REL: variants seen among roughly 807,000 people sequenced by gnomAD.
REL encodes proto-oncogene c-Rel.
A neutral mutation model predicts 45.9 loss-of-function variants in REL; 15 were observed. The observed-to-expected ratio is 0.33, with a 90% CI of 0.22 to 0.50. The LOEUF (loss-of-function observed/expected upper bound fraction) is 0.50, where lower values mean the gene tolerates loss of function less well. REL is among the 20% of genes least tolerant of loss of function. The pLI is 0.98. For synonymous variants in REL, 239 were observed against 242.1 expected (o/e 0.99, Z 0.12); for missense variants, 601 against 715.2 (o/e 0.84, Z 1.82).
At chr2:60,891,603 T>A in intron 1 of REL, 80 bp from the exon 2 acceptor site, 1 of 1,240,294 alleles carries the variant, frequency 8.1e-7, no homozygotes, top group Non-Finnish European at 1.1e-6. Context: ...TCTGCTGTTA[T>A]AAAAAAAACA....
Position 60,920,632 on chromosome 2 carries a change from C to G in REL, c.981C>G (p.Tyr327Ter). 6.3e-7 allele frequency: 1 copy of G among 1,593,320 alleles called. No homozygotes were observed. Among genetic ancestry groups the G allele is most frequent in the Non-Finnish European group, 8.6e-7 (1 of 1,163,686 alleles). ...TCGGTTCAATTGGAGAAGGAAGATA[C>G]TTCAAAAAAGGTATTTTATTTCCTA... Reference protein sequence around the residue: ...GLLGSIGEGRYFKKEPNLFSH... With the variant: ...GLLGSIGEGR Residue 327 changes from tyrosine to a stop codon, truncating the protein, a stop_gained, in exon 9 of 10, where the codon TAC becomes TAG. Transcript: ENST00000394479. LOFTEE classifies it low-confidence loss of function (END_TRUNC).
In REL at chr2:60,928,292, A is replaced by C. The variant is rs1674315041; in HGVS notation, c.*5757A>C. ...CAGTGCCATCCCCATCAAGCTACCA[A>C]TGCCTTTCTTCACAGAATTGGAAAA... is the stretch of plus-strand genomic sequence containing the variant. On this transcript the variant is annotated 3_prime_UTR_variant, in exon 10 of 10. Coordinates refer to ENST00000394479, the MANE Select transcript of REL (RefSeq NM_001291746.2). The C allele has an allele frequency of 6.5e-6, 1 of 153,754 alleles. No individual in the cohort carries two copies. Among genetic ancestry groups the C allele is most frequent in the East Asian group, 1.8e-4 (1 of 5,520 alleles). 9.5% of individuals were successfully genotyped at this position (153,754 alleles called of 1,614,324 possible). A position where few individuals can be genotyped will look rare whatever the true frequency, so the allele number is the denominator to read the frequency against.
At chr2:60,906,893 GTATA>G (rs1355849482) in intron 4 of REL, among the ~76,000 whole-genome samples, 28 of 121,396 alleles carry the variant, frequency 2.3e-4, no homozygotes, top group East Asian at 8.9e-4. Flanking sequence ...GTGTGTGTGT[GTATA>G]TATATATATA....
intron 4 of REL, among the ~76,000 whole-genome samples, chr2:60,907,431 G>C (rs1673691188): frequency 6.6e-6 from 1 of 151,830 alleles, no homozygotes; most frequent in Non-Finnish European, 1.5e-5. Flanking sequence ...TGGATCACTT[G>C]AGTCTAGTTC....
At position 60,881,716 on chromosome 2, in the gene REL, C is replaced by G; in HGVS notation, c.-125C>G. 6.7e-6 allele frequency: 5 copies of G among 750,920 alleles called. No homozygotes were observed. The highest frequency in any genetic ancestry group is 1.1e-5 in the Non-Finnish European group (5 of 456,454). The allele number at this position is 750,920 out of a possible 1,614,324, so 46.5% of individuals were successfully genotyped here. On this transcript the variant is annotated 5_prime_UTR_variant, in exon 1 of 10. Transcript: ENST00000394479. ...GAGGGCGGGAAGAAGGAGGAGGCCTCTAGGGTGGTCGGGGGACTGGGGGCC... is the reference window on the plus strand; with the variant it reads ...GAGGGCGGGAAGAAGGAGGAGGCCTGTAGGGTGGTCGGGGGACTGGGGGCC...
At chr2:60,902,549 G>T (rs530317884) in intron 4 of REL, among the ~76,000 whole-genome samples, 3 of 142,678 alleles carry the variant, frequency 2.1e-5, no homozygotes, top group African/African-American at 5.2e-5. Context: ...TTTTTTAACA[G>T]AATATTTTAT....
Position 60,916,888 on chromosome 2 carries a change from C to G in REL, c.406C>G (p.Gln136Glu), listed in dbSNP as rs1160632040. Residue 136 changes from glutamine (Q) to glutamate (E), a missense_variant, in exon 5 of 10, where the codon CAG becomes GAG. By Grantham distance (29) the Gln-to-Glu change is conservative (BLOSUM62 2). This residue lies in a region of REL where 241 missense variants were observed against 347.0 expected (regional missense o/e 0.69). Coordinates refer to ENST00000394479, the MANE Select transcript of REL (RefSeq NM_001291746.2). ...GINPFNVPEK[Q>E]LNDIEDCDLN... The stretch of plus-strand genomic sequence containing the variant: ...TTTTTTCTATTCAGTCCCTGAAAAA[C>G]AGCTGAATGATATTGAAGATTGTGA... The G allele has an allele frequency of 6.2e-7, 1 of 1,611,174 alleles. No individual in the cohort carries two copies. Among genetic ancestry groups the G allele is most frequent in the Non-Finnish European group, 8.5e-7 (1 of 1,178,740 alleles).
At chr2:60,893,607 T>C (rs2103931853) in intron 2 of REL, among the ~76,000 whole-genome samples, 1 of 152,346 alleles carries the variant, frequency 6.6e-6, no homozygotes, top group Admixed American at 6.5e-5. Context: ...TTACCTTCTC[T>C]TTCATACAGA....
In REL at chr2:60,922,176, A is replaced by G. The variant is rs1674160894; in HGVS notation, c.1405A>G (p.Thr469Ala). 3 of 1,614,136 alleles carry G rather than the reference A, an allele frequency of 1.9e-6. No individual in the cohort carries two copies. The highest frequency in any genetic ancestry group is 2.5e-6 in the Non-Finnish European group (3 of 1,179,996). The change falls in exon 10 of 10, where the codon ACC becomes GCC. Residue 469 changes from threonine (T) to alanine (A), a missense_variant. Thr to Ala is a moderately conservative substitution (Grantham distance 58). Transcript: ENST00000394479. Reference protein sequence around the residue: ...LSNCSVNMMTTSSDSMGETDN... With the variant: ...LSNCSVNMMTASSDSMGETDN... ...TAATTGTTCTGTGAATATGATGACA[A>G]CCAGCAGTGACAGCATGGGAGAGAC...
Position 60,926,353 on chromosome 2 carries a change from T to C in REL, c.*3818T>C. 1 of 232,412 alleles carries C rather than the reference T, an allele frequency of 4.3e-6. No individual in the cohort carries two copies. The allele number at this position is 232,412 out of a possible 1,614,324, so 14.4% of individuals were successfully genotyped here. A position where few individuals can be genotyped will look rare whatever the true frequency, so the allele number is the denominator to read the frequency against. On this transcript the variant is annotated 3_prime_UTR_variant, in exon 10 of 10. Coordinates refer to ENST00000394479, the MANE Select transcript of REL (RefSeq NM_001291746.2). ...AGTTATTCCTTAGCCCAGCCATCTC[T>C]GTCTTTAGCTCCTACAATTTTCTTA...
chr2:60,916,786 G>T, intron 4 of REL, 91 bp from the exon 5 acceptor site: 1 of 763,986 alleles, frequency 1.3e-6, no homozygotes, highest in African/African-American at 1.7e-5. Context: ...GCTATTCAAG[G>T]TTATTGGCTA....
Position 60,921,833 on chromosome 2 carries a change from C to G in REL, c.1062C>G (p.Ser354=), listed in dbSNP as rs760218097. 5 of 1,613,888 alleles carry G rather than the reference C, an allele frequency of 3.1e-6. No homozygotes were observed. Among genetic ancestry groups the G allele is most frequent in the Non-Finnish European group, 4.2e-6 (5 of 1,179,968 alleles). The part of the protein sequence containing the change: ...MPTGVSSQAE[S]YYPSPGPISS... ...CAGGGGTTTCAAGTCAAGCAGAATC[C>G]TACTATCCCTCACCTGGGCCCATCT... Residue 354 remains serine, a synonymous_variant, in exon 10 of 10, where the codon TCC becomes TCG. Coordinates refer to ENST00000394479, the MANE Select transcript of REL (RefSeq NM_001291746.2).
chr2:60,905,456 G>C (rs190747599), intron 4 of REL, among the ~76,000 whole-genome samples: 1 of 152,176 alleles, frequency 6.6e-6, no homozygotes, highest in Admixed American at 6.5e-5. Flanking sequence ...ATGTGCATAG[G>C]AATATCTTAG....
rs1674235272 is a variant in REL at position 60,924,976 on chromosome 2, A to C, written c.*2441A>C. The C allele has an allele frequency of 4.8e-6, 1 of 208,230 alleles. No individual in the cohort carries two copies. The highest frequency in any genetic ancestry group is 7.2e-5 in the East Asian group (1 of 13,796). The allele number at this position is 208,230 out of a possible 1,614,324, so 12.9% of individuals were successfully genotyped here. ...ATTTAGAAACCTTTCACTTTGCTTC[A>C]AAACGTAGTTATATTTTGGAGTTTT... On this transcript the variant is annotated 3_prime_UTR_variant, in exon 10 of 10. Transcript: ENST00000394479.
intron 1 of REL, among the ~76,000 whole-genome samples, chr2:60,886,189 A>C (rs1196536169): frequency 1.3e-5 from 2 of 152,186 alleles, no homozygotes; most frequent in South Asian, 4.1e-4. Flanking sequence ...TGGGCTTTAA[A>C]AACTATGAAG....
intron 4 of REL, among the ~76,000 whole-genome samples, chr2:60,910,370 C>G (rs950850254): frequency 6.6e-6 from 1 of 150,436 alleles, no homozygotes; most frequent in East Asian, 2.0e-4. Context: ...GAGGCTGAGA[C>G]GGGAGAATGG....
chr2:60,918,737 G>A, intron 7 of REL, 131 bp downstream of exon 7: 1 of 693,896 alleles, frequency 1.4e-6, no homozygotes, highest in African/African-American at 1.8e-5. Context: ...GAAGCTTTCT[G>A]TTGGTTTTTT....
Position 60,896,005 on chromosome 2 carries a change from G to GT in REL, c.302+1471dup, listed in dbSNP as rs942033792. ...TAGATAAATAGGTTTTCTGTTTTTT[G>GT]TTTTTTTTTTTCTTTTTGAGACAGT... On this transcript the variant is annotated intron_variant, in intron 3 of 9. Coordinates refer to ENST00000394479, the MANE Select transcript of REL (RefSeq NM_001291746.2). Among the ~76,000 whole-genome samples the GT allele has an allele frequency of 4.1e-3, 594 of 146,162 alleles. 2 individuals are homozygous for GT. The highest frequency in any genetic ancestry group is 0.01 in the African/African-American group (406 of 40,142).
chr2:60,913,431 G>C (rs1042566230), intron 4 of REL, among the ~76,000 whole-genome samples: 3 of 152,070 alleles, frequency 2.0e-5, no homozygotes, highest in Admixed American at 1.3e-4. Flanking sequence ...AGCAATCCCA[G>C]GTCACCTAAA....
Sources: allele counts gnomAD v4.1 joint callset (sites outside exome capture counted in the v4.1 genomes callset), GRCh38; gene constraint gnomAD v4.1.1; regional missense constraint gnomAD v4.1.1; transcripts MANE v1.5; gene names NCBI Gene and HGNC (gene_info 2026-07-23, HGNC 2026-07-21).